Variants in AMT observed in about 807,000 individuals in gnomAD.
AMT encodes the protein aminomethyltransferase, mitochondrial.
A neutral mutation model predicts 39.5 loss-of-function variants in AMT; 24 were observed. The observed-to-expected ratio is 0.61, with a 90% CI of 0.44 to 0.86. The LOEUF is 0.86. Ranked by LOEUF, AMT falls within the 40% of genes least tolerant of loss-of-function variation. The pLI is 0.00. For missense variants in AMT, 501 were observed against 537.0 expected, an observed-to-expected ratio of 0.93 and a Z score of 0.66; for synonymous variants, 210 against 212.1, an observed-to-expected ratio of 0.99 and a Z score of 0.09.
In AMT at chr3:49,417,509, C is replaced by T. The variant is rs2049018043; in HGVS notation, c.*31G>A. On this transcript the variant is annotated 3_prime_UTR_variant, in exon 9 of 9. Coordinates refer to ENST00000273588, the MANE Select transcript of AMT (RefSeq NM_000481.4). ...CTAACCCCTTGTAGGGGCAAAACTC[C>T]TGGAAGGGACAGCCCCACCCTGAGC... 2 of 1,614,026 alleles carry T rather than the reference C, an allele frequency of 1.2e-6. No homozygotes were observed. Among genetic ancestry groups the T allele is most frequent in the African/African-American group, 1.3e-5 (1 of 74,908 alleles).
At chr3:49,420,071 G>T in intron 4 of AMT, 140 bp downstream of exon 4, 1 of 1,174,170 alleles carries the variant, frequency 8.5e-7, no homozygotes, top group Non-Finnish European at 1.2e-6. Flanking sequence ...GAGAGGGCCT[G>T]CTCTTGAGTC....
chr3:49,419,620 A>G, intron 5 of AMT, 90 bp downstream of exon 5: 1 of 1,475,392 alleles, frequency 6.8e-7, no homozygotes, highest in Admixed American at 1.7e-5. Flanking sequence ...CACACCTTCC[A>G]CACATTCTTC....
At chr3:49,418,681 A>C in intron 7 of AMT, 2 of 327,090 alleles carry the variant, frequency 6.1e-6, no homozygotes, top group Non-Finnish European at 5.8e-6. Flanking sequence ...TTTTTTTTGT[A>C]TTTTTAGTAG....
rs1271797536 is a variant in AMT at position 49,417,994 on chromosome 3, C to T, written c.878-21G>A. ...CTTCCCTGGAGAATGACACATGAGA[C>T]ATAAGCCACAGCCCATAGAAGCCCT... On this transcript the variant is annotated intron_variant, in intron 7 of 8. Coordinates refer to ENST00000273588, the MANE Select transcript of AMT (RefSeq NM_000481.4). 2.5e-6 allele frequency: 4 copies of T among 1,593,930 alleles called. No individual in the cohort carries two copies. The Middle Eastern group carries it at 5.6e-4, about 224-fold the overall frequency.
Position 49,417,249 on chromosome 3 carries a change from G to A in AMT, c.*291C>T, listed in dbSNP as rs2049014330. 2 of 1,588,684 alleles carry A rather than the reference G, an allele frequency of 1.3e-6. No homozygotes were observed. The highest frequency in any genetic ancestry group is 1.7e-6 in the Non-Finnish European group (2 of 1,170,412). ...CAGCACCTGGCAGAGTGGGAGAGAT[G>A]GCAGAACCAAAGCTTCTCATTACCC... On this transcript the variant is annotated 3_prime_UTR_variant, in exon 9 of 9. Transcript: ENST00000273588.
At chr3:49,421,325 A>G (rs939507863) in intron 3 of AMT, 167 bp downstream of exon 3, 55 of 675,288 alleles carry the variant, frequency 8.1e-5, no homozygotes, top group Non-Finnish European at 5.9e-5. Flanking sequence ...TCCCCTCCCT[A>G]CAAATGTCTG....
rs550357704 is a variant in AMT at position 49,417,123 on chromosome 3, C to T, written c.*417G>A. Reference sequence around the variant, plus strand: ...CAAACTGGAGGGGGTAGCCTAAGTCCGCACTGCCCATGTTATTACCCTTTG... The same window carrying T: ...CAAACTGGAGGGGGTAGCCTAAGTCTGCACTGCCCATGTTATTACCCTTTG... On this transcript the variant is annotated 3_prime_UTR_variant, in exon 9 of 9. Transcript: ENST00000273588. 95 of 795,814 alleles carry T rather than the reference C, an allele frequency of 1.2e-4. No individual in the cohort carries two copies. The highest frequency in any genetic ancestry group is 7.3e-4 in the African/African-American group (43 of 59,024). 49.3% of individuals were successfully genotyped at this position (795,814 alleles called of 1,614,324 possible).
Position 49,417,633 on chromosome 3 carries a change from C to G in AMT, c.1119G>C (p.Gly373=). The stretch of plus-strand genomic sequence containing the variant: ...GCCGCACCTCTACCAGCAGCATTGT[C>G]CCTGGACGACTGTACTCGCAGGGCA... ...GYVPCEYSRP[G]TMLLVEVRRK... The change falls in exon 9 of 9, where the codon GGG becomes GGC. Residue 373 remains glycine (G), a synonymous_variant. Transcript: ENST00000273588. 6.2e-7 allele frequency: 1 copy of G among 1,614,148 alleles called. No homozygotes were observed. The highest frequency in any genetic ancestry group is 1.1e-5 in the South Asian group (1 of 91,088).
chr3:49,419,945 A>T, intron 4 of AMT, 157 bp from the exon 5 acceptor site: 1 of 833,732 alleles, frequency 1.2e-6, no homozygotes, highest in South Asian at 1.4e-5. Flanking sequence ...ACAAGGTCAC[A>T]TAGCTACTAA....
chr3:49,419,240 C>G lies in AMT; in HGVS notation c.696+20G>C. 6.2e-7 allele frequency: 1 copy of G among 1,614,118 alleles called. No homozygotes were observed. The highest frequency in any genetic ancestry group is 8.5e-7 in the Non-Finnish European group (1 of 1,180,020). On this transcript the variant is annotated intron_variant, in intron 6 of 8. Transcript: ENST00000273588. ...TGCATCCTGTGCCCTGTACTGCCCC[C>G]ACACCACTTCTTGACACACCTCCAC... is the stretch of plus-strand genomic sequence containing the variant.
Position 49,417,268 on chromosome 3 carries a change from A to T in AMT, c.*272T>A. 1 of 1,597,378 alleles carries T rather than the reference A, an allele frequency of 6.3e-7. No individual in the cohort carries two copies. Among genetic ancestry groups the T allele is most frequent in the African/African-American group, 1.3e-5 (1 of 74,974 alleles). On this transcript the variant is annotated 3_prime_UTR_variant, in exon 9 of 9. Coordinates refer to ENST00000273588, the MANE Select transcript of AMT (RefSeq NM_000481.4). The stretch of plus-strand genomic sequence containing the variant: ...AGAGATGGCAGAACCAAAGCTTCTC[A>T]TTACCCTCCAGCAGGCAAGAGTAGG...
chr3:49,418,214 C>T (rs1329274970), intron 7 of AMT: 4 of 548,102 alleles, frequency 7.3e-6, no homozygotes, highest in Non-Finnish European at 1.3e-5. Flanking sequence ...GATGGAGTCA[C>T]TCTGTCGCCC....
chr3:49,418,058 C>G (rs2049030321), intron 7 of AMT, 85 bp from the exon 8 acceptor site: 1 of 1,498,260 alleles, frequency 6.7e-7, no homozygotes, highest in Non-Finnish European at 9.0e-7. Context: ...AAGTAACACA[C>G]TATCTAGCAT....
At chr3:49,418,456 C>G (rs1365470303) in intron 7 of AMT, 1 of 197,606 alleles carries the variant, frequency 5.1e-6, no homozygotes, top group Non-Finnish European at 1.0e-5. Context: ...GCTGGGATTA[C>G]AGGTGTGAGC....
intron 5 of AMT, 80 bp from the exon 6 acceptor site, chr3:49,419,485 G>C (rs1559528874): frequency 6.4e-7 from 1 of 1,574,158 alleles, no homozygotes; most frequent in Non-Finnish European, 8.6e-7. Context: ...TCAGGGACCA[G>C]AACAAGCCCT....
chr3:49,420,587 C>T (rs924662834), intron 3 of AMT: 2 of 529,086 alleles, frequency 3.8e-6, no homozygotes, highest in Non-Finnish European at 6.9e-6. Flanking sequence ...CTGCACCCCT[C>T]CCCACTCTGT....
intron 5 of AMT, 51 bp downstream of exon 5, chr3:49,419,659 A>G (rs752000532): frequency 1.8e-5 from 28 of 1,572,594 alleles, no homozygotes; most frequent in Non-Finnish European, 2.5e-5. Context: ...TAAGCAGTCA[A>G]TGAAGCCAGG....
At chr3:49,421,259 C>T (rs1259123138) in intron 3 of AMT, 2 of 558,690 alleles carry the variant, frequency 3.6e-6, no homozygotes, top group Non-Finnish European at 6.4e-6. Context: ...GGCCAGAGAG[C>T]AGCATATTAA....
chr3:49,419,496 G>A (rs1575305531), intron 5 of AMT, 91 bp from the exon 6 acceptor site: 8 of 1,566,834 alleles, frequency 5.1e-6, no homozygotes, highest in Non-Finnish European at 7.0e-6. Context: ...AACAAGCCCT[G>A]AGCATGTCTT....
Sources: gnomAD v4.1 joint callset for allele counts on GRCh38, gnomAD v4.1.1 for gene constraint, MANE v1.5 for transcripts, NCBI Gene and HGNC (gene_info 2026-07-23, HGNC 2026-07-21) for gene names.